ZFHX3: variants seen among roughly 807,000 people sequenced by gnomAD.
ZFHX3 encodes zinc finger homeobox protein 3.
A neutral mutation model predicts 279.1 loss-of-function variants in ZFHX3; 42 were observed. That is an observed-to-expected ratio of 0.15 (90% CI 0.12 to 0.19). The LOEUF is 0.19. ZFHX3 is among the 10% of genes least tolerant of loss of function. ZFHX3 has a pLI of 1.00. For missense variants in ZFHX3, 4,981 were observed against 4,754.0 expected (o/e 1.05, Z -1.40); for synonymous variants, 2,293 against 1,957.8 (o/e 1.17, Z -4.52).
rs200758657 is a variant in ZFHX3 at position 72,797,163 on chromosome 16, T to G, written c.5519A>C (p.Gln1840Pro). 4.3e-6 allele frequency: 7 copies of G among 1,614,006 alleles called. No homozygotes were observed. The Admixed American group carries it at 1.2e-4, about 27-fold the overall frequency. Residue 1840 changes from glutamine to proline, a missense_variant, in exon 9 of 10, where the codon CAG becomes CCG. Physicochemically the swap from Gln to Pro is moderately conservative, Grantham distance 76. Transcript: ENST00000268489. ...CTGCTGATGGCTCTGCTGTGGGACC[T>G]GAACCTGAGCCTTCAGATCTTCCAG... Reference protein sequence around the residue: ...GLLEDLKAQVQVPQQSHQQIL... With the variant: ...GLLEDLKAQVPVPQQSHQQIL...
At chr16:73,557,426 T>C (rs888035421) in intron 2 of ZFHX3, among the ~76,000 whole-genome samples, 1 of 152,140 alleles carries the variant, frequency 6.6e-6, no homozygotes, top group African/African-American at 2.4e-5. Context: ...AAAGCAAATT[T>C]ATTAAGAAAG....
chr16:73,574,368 C>T (rs972728038), intron 2 of ZFHX3, among the ~76,000 whole-genome samples: 2 of 152,046 alleles, frequency 1.3e-5, no homozygotes, highest in Admixed American at 1.3e-4. Context: ...TCCACTGAAT[C>T]AGAGCCTACT....
At position 73,691,318 on chromosome 16, in the gene ZFHX3, T is replaced by C. The variant is rs563767370; in HGVS notation, c.-1607-11078A>G. ...ACAACGGAATAAAAAGCTTAAGATT[T>C]GGCAAAAAGAAAAAAACAAGATTAT... On this transcript the variant is annotated intron_variant, in intron 1 of 17. Transcript: ENST00000641206. Among the ~76,000 whole-genome samples the C allele has an allele frequency of 2.0e-5, 3 of 152,254 alleles. No homozygotes were observed. In the East Asian group the frequency reaches 5.8e-4, roughly 29 times the overall value.
At chr16:72,906,104 C>T (rs918796670) in intron 3 of ZFHX3, among the ~76,000 whole-genome samples, 3 of 151,960 alleles carry the variant, frequency 2.0e-5, no homozygotes, top group South Asian at 4.1e-4. Context: ...GCCAACCCCC[C>T]GATAAGATCC....
chr16:73,009,095 A>C (rs1328185672), intron 1 of ZFHX3, among the ~76,000 whole-genome samples: 1 of 152,130 alleles, frequency 6.6e-6, no homozygotes, highest in Non-Finnish European at 1.5e-5. Context: ...CATCTTGTAG[A>C]TCTTGCCTGC....
At chr16:73,398,734 C>T (rs567332096) in intron 3 of ZFHX3, among the ~76,000 whole-genome samples, 11 of 152,350 alleles carry the variant, frequency 7.2e-5, no homozygotes, top group African/African-American at 2.6e-4. Flanking sequence ...TAAGCCGACC[C>T]ATAAGCACAT....
intron 7 of ZFHX3, among the ~76,000 whole-genome samples, chr16:72,803,103 G>A (rs895295192): frequency 2.6e-5 from 4 of 152,256 alleles, no homozygotes; most frequent in Non-Finnish European, 2.9e-5. Context: ...AGGCTGAGGC[G>A]GGTGGATCAT....
chr16:73,870,823 G>A (rs1156446744), intron 1 of ZFHX3, among the ~76,000 whole-genome samples: 3 of 152,166 alleles, frequency 2.0e-5, no homozygotes, highest in East Asian at 3.8e-4. Context: ...CAACTCAGGC[G>A]TGGGTGGAGG....
At chr16:73,264,980 A>C (rs1190244609) in intron 4 of ZFHX3, among the ~76,000 whole-genome samples, 2 of 150,022 alleles carry the variant, frequency 1.3e-5, no homozygotes, top group Admixed American at 1.3e-4. Context: ...GTGTATATAT[A>C]TGTGTGTATT....
chr16:73,206,697 A>G (rs916651480), intron 5 of ZFHX3, among the ~76,000 whole-genome samples: 6 of 152,072 alleles, frequency 3.9e-5, no homozygotes, highest in Non-Finnish European at 8.8e-5. Flanking sequence ...CCATCTCGAT[A>G]TACAATTAAA....
intron 1 of ZFHX3, among the ~76,000 whole-genome samples, chr16:73,885,765 G>C (rs1157178306): frequency 6.6e-6 from 1 of 152,118 alleles, no homozygotes; most frequent in Admixed American, 6.6e-5. Flanking sequence ...TGCTGTTTCA[G>C]TGAAATTGCT....
intron 2 of ZFHX3, among the ~76,000 whole-genome samples, chr16:73,622,873 T>C (rs1388405327): frequency 1.3e-5 from 2 of 152,206 alleles, no homozygotes; most frequent in Non-Finnish European, 2.9e-5. Context: ...TTTCCTGTCT[T>C]GTCTTGTCGC....
At chr16:73,798,832 G>A (rs1212793927) in intron 1 of ZFHX3, among the ~76,000 whole-genome samples, 2 of 152,188 alleles carry the variant, frequency 1.3e-5, no homozygotes, top group South Asian at 4.1e-4. Flanking sequence ...GACGTGTTTG[G>A]AGGGGGATGA....
chr16:73,503,467 C>T (rs543523691), intron 2 of ZFHX3, among the ~76,000 whole-genome samples: 9 of 152,264 alleles, frequency 5.9e-5, no homozygotes, highest in Non-Finnish European at 7.4e-5. Context: ...GTTGACCGCA[C>T]GTGTCTGCTC....
At chr16:73,301,806 C>T (rs2015062240) in intron 4 of ZFHX3, among the ~76,000 whole-genome samples, 1 of 147,328 alleles carries the variant, frequency 6.8e-6, no homozygotes, top group South Asian at 2.1e-4. Flanking sequence ...TCTCTTAACA[C>T]TAAAGAGAAT....
chr16:73,871,494 A>AAG (rs552408513), intron 1 of ZFHX3, among the ~76,000 whole-genome samples: 1,585 of 149,606 alleles, frequency 0.011, 30 homozygotes, highest in African/African-American at 0.032. Context: ...TAAAAAAAAA[A>AAG]AGAGAGAGAG....
rs117383473 is a variant in ZFHX3 at position 73,436,401 on chromosome 16, G to A, written c.-1291+19602C>T. Among the ~76,000 whole-genome samples, 730 of 152,208 alleles carry A rather than the reference G, an allele frequency of 4.8e-3. 47 individuals carry two copies. The East Asian group carries it at 0.12, about 26-fold the overall frequency. On this transcript the variant is annotated intron_variant, in intron 3 of 17. Coordinates refer to the ZFHX3 transcript ENST00000641206. ...AATCATGGTGGAAGGTAAAAGTCACGTCTTACATGGCAGCAGACAAGAGAG... is the reference window on the plus strand; with the variant it reads ...AATCATGGTGGAAGGTAAAAGTCACATCTTACATGGCAGCAGACAAGAGAG...
At position 73,302,679 on chromosome 16, in the gene ZFHX3, A is replaced by G. The variant is rs1280472106; in HGVS notation, c.-1194+15561T>C. 4.6e-5 allele frequency among the ~76,000 whole-genome samples: 7 copies of G among 152,302 alleles called. No individual in the cohort carries two copies. The East Asian group carries it at 1.3e-3, about 29-fold the overall frequency. On this transcript the variant is annotated intron_variant, in intron 4 of 17. Transcript: ENST00000641206. ...AGCTTTCTCCCCTTTTGTATTAATG[A>G]GGTCAAGCGTGGGACCTCAGGGAGT...
intron 2 of ZFHX3, among the ~76,000 whole-genome samples, chr16:73,473,641 T>C (rs1306733218): frequency 6.6e-6 from 1 of 152,192 alleles, no homozygotes; most frequent in Non-Finnish European, 1.5e-5. Flanking sequence ...GAAGCAGCTG[T>C]ATGATTCTGT....
Sources: allele counts gnomAD v4.1 joint callset (sites outside exome capture counted in the v4.1 genomes callset), GRCh38; gene constraint gnomAD v4.1.1; transcripts MANE v1.5; gene names NCBI Gene and HGNC (gene_info 2026-07-23, HGNC 2026-07-21).